The following ACVR1 variants were observed in gnomAD, a reference collection of about 807,000 sequenced individuals.
The protein encoded by ACVR1 is activin A receptor type 1.
Under a neutral mutation model 57.1 loss-of-function variants are expected in ACVR1, and 38 were observed. The ratio of observed to expected loss-of-function variants is 0.67; its 90% CI spans 0.51 to 0.87. The LOEUF is 0.87. Ranked by LOEUF, ACVR1 falls within the 40% of genes least tolerant of loss-of-function variation. ACVR1 has a pLI of 0.00. For synonymous variants in ACVR1, 212 were observed against 228.1 expected (o/e 0.93, Z 0.63); for missense variants, 463 against 638.2 (o/e 0.73, Z 2.96).
At chr2:157,769,761 CT>C (rs1334748987) in intron 7 of ACVR1, among the ~76,000 whole-genome samples, 1 of 152,190 alleles carries the variant, frequency 6.6e-6, no homozygotes, top group Non-Finnish European at 1.5e-5. Context: ...CTTAGAGAAA[CT>C]TTTCAAAAAT....
At chr2:157,760,364 G>A (rs930411824) in intron 9 of ACVR1, among the ~76,000 whole-genome samples, 29 of 151,942 alleles carry the variant, frequency 1.9e-4, no homozygotes, top group Non-Finnish European at 1.5e-5. Context: ...AGAGCTGGAT[G>A]GAAAAAATAG....
intron 1 of ACVR1, among the ~76,000 whole-genome samples, chr2:157,865,623 C>G (rs1171028010): frequency 6.6e-6 from 1 of 151,772 alleles, no homozygotes; most frequent in African/African-American, 2.4e-5. Context: ...GAAACCCTGT[C>G]TCTACTTAAA....
intron 3 of ACVR1, among the ~76,000 whole-genome samples, chr2:157,793,752 A>C (rs1260456860): frequency 6.6e-6 from 1 of 152,182 alleles, no homozygotes; most frequent in African/African-American, 2.4e-5. Flanking sequence ...AACTTCCTGA[A>C]TCCCTAATAA....
chr2:157,779,176 T>C (rs1686410912), intron 4 of ACVR1, among the ~76,000 whole-genome samples: 1 of 152,176 alleles, frequency 6.6e-6, no homozygotes, highest in African/African-American at 2.4e-5. Context: ...AAAAAAATCT[T>C]CTATTAAAAC....
At chr2:157,741,265 T>C (rs1351550410) in intron 9 of ACVR1, among the ~76,000 whole-genome samples, 1 of 152,144 alleles carries the variant, frequency 6.6e-6, no homozygotes, top group Non-Finnish European at 1.5e-5. Context: ...CTACTTTCAC[T>C]TGTGAGATCC....
chr2:157,736,990 C>T lies in ACVR1; in HGVS notation c.*541G>A. The T allele has an allele frequency of 3.5e-6, 1 of 286,250 alleles. No individual in the cohort carries two copies. Among genetic ancestry groups the T allele is most frequent in the Non-Finnish European group, 6.5e-6 (1 of 153,996 alleles). 17.7% of individuals were successfully genotyped at this position (286,250 alleles called of 1,614,324 possible). On this transcript the variant is annotated 3_prime_UTR_variant, in exon 11 of 11. Coordinates refer to ENST00000434821, the MANE Select transcript of ACVR1 (RefSeq NM_001111067.4). ...AGTCTGACATTACATTTTGTTTTGC[C>T]AAATTGAATTCCTATTATCCAAAGA...
intron 9 of ACVR1, among the ~76,000 whole-genome samples, chr2:157,754,173 C>T (rs1685326142): frequency 6.6e-6 from 1 of 152,110 alleles, no homozygotes; most frequent in African/African-American, 2.4e-5. Flanking sequence ...AGAGCACAAA[C>T]AGGCAACCTA....
chr2:157,863,297 GC>G (rs1399044951), intron 1 of ACVR1, among the ~76,000 whole-genome samples: 2 of 131,584 alleles, frequency 1.5e-5, no homozygotes, highest in African/African-American at 2.7e-5. Flanking sequence ...ACAGGCGTGA[GC>G]CACCATGCCC....
chr2:157,841,100 T>A (rs1162770861), intron 1 of ACVR1, among the ~76,000 whole-genome samples: 1 of 152,240 alleles, frequency 6.6e-6, no homozygotes, highest in East Asian at 1.9e-4. Flanking sequence ...ACATACATGC[T>A]TACTCAATGC....
rs899973433 is a variant in ACVR1, at chr2:157,756,984, T to C, written c.1264+3896A>G. Among the ~76,000 whole-genome samples the C allele has an allele frequency of 2.1e-5, 3 of 142,400 alleles. No individual in the cohort carries two copies. The South Asian group carries it at 6.3e-4, about 30-fold the overall frequency. 93.4% of individuals were successfully genotyped at this position (142,400 alleles called of 152,430 possible). ...TTTTTTATATATATTTATATATATA[T>C]ATTTGAGATATATATATTTGAGATA... On this transcript the variant is annotated intron_variant, in intron 9 of 10. Transcript: ENST00000434821.
At chr2:157,809,339 CA>C (rs1687667254) in intron 2 of ACVR1, among the ~76,000 whole-genome samples, 1 of 152,046 alleles carries the variant, frequency 6.6e-6, no homozygotes, top group Non-Finnish European at 1.5e-5. Context: ...ATGCTTTTGC[CA>C]GTCAAGCAGC....
intron 1 of ACVR1, among the ~76,000 whole-genome samples, chr2:157,823,568 A>G (rs1181584787): frequency 2.0e-5 from 3 of 152,198 alleles, no homozygotes; most frequent in African/African-American, 7.2e-5. Context: ...CAAAGTGGAA[A>G]TACAGTGAAG....
intron 9 of ACVR1, among the ~76,000 whole-genome samples, chr2:157,754,672 T>C (rs888423079): frequency 2.0e-5 from 3 of 152,026 alleles, no homozygotes; most frequent in African/African-American, 7.2e-5. Flanking sequence ...CCGAATTCTA[T>C]CAGACATTCA....
chr2:157,805,104 G>A (rs1225811164), intron 2 of ACVR1, among the ~76,000 whole-genome samples: 2 of 152,186 alleles, frequency 1.3e-5, no homozygotes, highest in African/African-American at 4.8e-5. Context: ...CAATCTAAGT[G>A]CTAATCTATA....
chr2:157,832,381 C>T (rs559011931), intron 1 of ACVR1, among the ~76,000 whole-genome samples: 8 of 152,102 alleles, frequency 5.3e-5, no homozygotes, highest in Admixed American at 2.0e-4. Context: ...AAGACAAAAA[C>T]GAGAAAGGAT....
intron 9 of ACVR1, among the ~76,000 whole-genome samples, chr2:157,745,101 T>A (rs1243135298): frequency 1.3e-5 from 2 of 152,220 alleles, no homozygotes; most frequent in African/African-American, 4.8e-5. Context: ...TAAAATTAAT[T>A]TCTATTGTTG....
At chr2:157,757,189 TCAAA>T (rs1257291385) in intron 9 of ACVR1, among the ~76,000 whole-genome samples, 2 of 151,114 alleles carry the variant, frequency 1.3e-5, no homozygotes, top group East Asian at 1.9e-4. Context: ...AAATAGCCAG[TCAAA>T]CAAACAAACA....
At chr2:157,748,852 T>C (rs1406250237) in intron 9 of ACVR1, among the ~76,000 whole-genome samples, 1 of 152,220 alleles carries the variant, frequency 6.6e-6, no homozygotes, top group Non-Finnish European at 1.5e-5. Context: ...CATCTCTGGC[T>C]GTGCTATTCA....
chr2:157,847,267 CT>C (rs1185460775), intron 1 of ACVR1, among the ~76,000 whole-genome samples: 2 of 152,150 alleles, frequency 1.3e-5, no homozygotes, highest in East Asian at 3.9e-4. Flanking sequence ...TATTTCTAGT[CT>C]TGGGTGTGAC....
Sources: allele counts gnomAD v4.1 joint callset (sites outside exome capture counted in the v4.1 genomes callset), GRCh38; gene constraint gnomAD v4.1.1; transcripts MANE v1.5; gene names NCBI Gene and HGNC (gene_info 2026-07-23, HGNC 2026-07-21).